FOXI2: variants seen among roughly 807,000 people sequenced by gnomAD.
FOXI2 encodes forkhead box protein I2.
Under a neutral mutation model 14.3 loss-of-function variants are expected in FOXI2, and 17 were observed. The ratio of observed to expected loss-of-function variants is 1.19; its 90% confidence interval spans 0.81 to 1.78. The LOEUF (loss-of-function observed/expected upper bound fraction) is 1.78. Among genes scored for constraint, FOXI2 ranks in the 40% most tolerant of loss-of-function variants. The pLI is 0.00. For missense variants in FOXI2, 541 were observed against 460.0 expected (o/e 1.18, Z -1.61); for synonymous variants, 240 against 218.8 (o/e 1.10, Z -0.85).
chr10:127,738,373 T>C lies in FOXI2; in HGVS notation c.512-147T>C, dbSNP rs1846444040. 1.9e-5 allele frequency: 12 copies of C among 624,944 alleles called. No individual in the cohort carries two copies. In the East Asian group the frequency reaches 3.2e-4, roughly 17 times the overall value. 38.7% of individuals were successfully genotyped at this position (624,944 alleles called of 1,614,324 possible). A position where few individuals can be genotyped will look rare whatever the true frequency, so the allele number is the denominator to read the frequency against. ...CTGTGGAGGCCCATCGGGTACAGAG[T>C]GCCCGTCAAGGGTGGAATGGGGGCG... On this transcript the variant is annotated intron_variant, in intron 1 of 1. Transcript: ENST00000388920.
Position 127,740,336 on chromosome 10 carries a change from A to G in FOXI2, c.*1371A>G, listed in dbSNP as rs1321518460. The G allele has an allele frequency of 6.6e-6, 1 of 152,162 alleles. No individual in the cohort carries two copies. The highest frequency in any genetic ancestry group is 1.5e-5 in the Non-Finnish European group (1 of 68,060). The allele number at this position is 152,162 out of a possible 1,614,324, so 9.4% of individuals were successfully genotyped here. On this transcript the variant is annotated 3_prime_UTR_variant, in exon 2 of 2. Transcript: ENST00000388920. ...TCCTGAACAGCAGCCTCCTGTGTAA[A>G]TTGAACCCTGCCCCACCCAGTTCCT...
In FOXI2 at chr10:127,739,977, TCACACCCACACTCACAC is replaced by T. The variant is rs1846491171; in HGVS notation, c.*1030_*1046del. ...CACACACCCACACTCATACTCACAC[TCACACCCACACTCACAC>T]CACACCCACACTCACACTGACACCC... On this transcript the variant is annotated 3_prime_UTR_variant, in exon 2 of 2. Coordinates refer to ENST00000388920, the MANE Select transcript of FOXI2 (RefSeq NM_207426.3). 3 of 10,070 alleles carry T rather than the reference TCACACCCACACTCACAC, an allele frequency of 3.0e-4. No individual in the cohort carries two copies. Among genetic ancestry groups the T allele is most frequent in the African/African-American group, 7.2e-4 (3 of 4,166 alleles). 0.6% of individuals were successfully genotyped at this position (10,070 alleles called of 1,614,324 possible). A position where few individuals can be genotyped will look rare whatever the true frequency, so the allele number is the denominator to read the frequency against.
chr10:127,737,719 C>G lies in FOXI2; in HGVS notation c.446C>G (p.Ser149Cys), dbSNP rs1846437169. The change falls in exon 1 of 2, where the codon TCC becomes TGC. Residue 149 changes from serine to cysteine, a missense_variant. Ser to Cys is a moderately radical substitution (Grantham distance 112). Coordinates refer to ENST00000388920, the MANE Select transcript of FOXI2 (RefSeq NM_207426.3). ...CGCAGCAAGGCGGGCTGGCAGAACT[C>G]CATCCGCCACAACCTGTCGCTCAAC... The part of the protein sequence containing the change: ...YKRSKAGWQN[S>C]IRHNLSLNDC... 1 of 1,609,360 alleles carries G rather than the reference C, an allele frequency of 6.2e-7. No homozygotes were observed.
rs1363118500 is a variant in FOXI2 at position 127,737,297 on chromosome 10, G to A, written c.24G>A (p.Leu8=). Residue 8 remains leucine (L), a synonymous_variant, in exon 1 of 2, where the codon CTG becomes CTA. Transcript: ENST00000388920. ...ACATGGCCACCTACTGCGACGACCT[G>A]GGCCCCTCCTCGGCCCCGCCCGGCC... is the stretch of plus-strand genomic sequence containing the variant. MATYCDD[L]GPSSAPPGQA... 8 of 1,468,450 alleles carry A rather than the reference G, an allele frequency of 5.4e-6. No homozygotes were observed. The highest frequency in any genetic ancestry group is 7.1e-6 in the Non-Finnish European group (8 of 1,120,922). 91.0% of individuals were successfully genotyped at this position (1,468,450 alleles called of 1,614,324 possible).
At position 127,737,462 on chromosome 10, in the gene FOXI2, C is replaced by T. The variant is rs557531167; in HGVS notation, c.189C>T (p.Tyr63=). The change falls in exon 1 of 2, where the codon TAC becomes TAT. Residue 63 remains tyrosine (Y), a synonymous_variant. Coordinates refer to ENST00000388920, the MANE Select transcript of FOXI2 (RefSeq NM_207426.3). ...YASGPGPAPP[Y]AAPSYGAPGP... ...CGGGTCCCGGGCCTGCGCCGCCCTACGCGGCCCCGAGCTACGGGGCTCCCG... is the reference window on the plus strand; with the variant it reads ...CGGGTCCCGGGCCTGCGCCGCCCTATGCGGCCCCGAGCTACGGGGCTCCCG... 4.3e-4 allele frequency: 595 copies of T among 1,371,718 alleles called. 1 individual carries two copies. Among genetic ancestry groups the T allele is most frequent in the Non-Finnish European group, 5.4e-4 (575 of 1,073,484 alleles). 85.0% of individuals were successfully genotyped at this position (1,371,718 alleles called of 1,614,324 possible). A position where few individuals can be genotyped will look rare whatever the true frequency, so the allele number is the denominator to read the frequency against.
Position 127,738,790 on chromosome 10 carries a change from C to A in FOXI2, c.782C>A (p.Thr261Asn), listed in dbSNP as rs1232980880. 1.9e-6 allele frequency: 3 copies of A among 1,606,020 alleles called. No homozygotes were observed. The highest frequency in any genetic ancestry group is 2.5e-6 in the Non-Finnish European group (3 of 1,177,078). The change falls in exon 2 of 2, where the codon ACC becomes AAC. Residue 261 changes from threonine (T) to asparagine (N), a missense_variant. Transcript: ENST00000388920. ...AMSALAGGLGTFPGGLAGDFS... is the reference protein window; with the variant it reads ...AMSALAGGLGNFPGGLAGDFS... ...AGCGCTCTGGCTGGCGGCCTTGGCA[C>A]CTTCCCCGGGGGCCTGGCGGGCGAC...
At chr10:127,738,437 T>C (rs1479045277) in intron 1 of FOXI2, 83 bp from the exon 2 acceptor site, 3 of 1,117,120 alleles carry the variant, frequency 2.7e-6, no homozygotes, top group Non-Finnish European at 3.9e-6. Context: ...AGGGGATCTT[T>C]CTGAAGCTGA....
intron 1 of FOXI2, 35 bp from the exon 2 acceptor site, chr10:127,738,485 G>A (rs776826999): frequency 1.9e-6 from 3 of 1,552,290 alleles, no homozygotes; most frequent in Non-Finnish European, 2.6e-6. Context: ...GTCAAAGCTC[G>A]AACCTTCTGA....
chr10:127,740,191 C>CA lies in FOXI2; in HGVS notation c.*1226_*1227insA, dbSNP rs1846506795. ...CATACTCACACACCCACACCCACAC[C>CA]CACACCCACACCCACACCCACACCC... On this transcript the variant is annotated 3_prime_UTR_variant, in exon 2 of 2. Transcript: ENST00000388920. 1 of 135,872 alleles carries CA rather than the reference C, an allele frequency of 7.4e-6. No individual in the cohort carries two copies. The allele number at this position is 135,872 out of a possible 1,614,324, so 8.4% of individuals were successfully genotyped here.
rs1479001212 is a variant in FOXI2 at position 127,739,001 on chromosome 10, G to T, written c.*36G>T. 2 of 1,560,822 alleles carry T rather than the reference G, an allele frequency of 1.3e-6. No individual in the cohort carries two copies. The highest frequency in any genetic ancestry group is 1.7e-6 in the Non-Finnish European group (2 of 1,154,424). ...GAGGCTAGCCGGGTGCGGGTCCAGA[G>T]GTGCTGAGCTCAGGCCTCCGGTTTC... On this transcript the variant is annotated 3_prime_UTR_variant, in exon 2 of 2. Coordinates refer to ENST00000388920, the MANE Select transcript of FOXI2 (RefSeq NM_207426.3).
chr10:127,739,845 T>TCACACC lies in FOXI2; in HGVS notation c.*885_*886insCCACAC, dbSNP rs1564749092. 12 of 34,280 alleles carry TCACACC rather than the reference T, an allele frequency of 3.5e-4. No homozygotes were observed. The highest frequency in any genetic ancestry group is 7.5e-4 in the African/African-American group (8 of 10,690). 2.1% of individuals were successfully genotyped at this position (34,280 alleles called of 1,614,324 possible). ...CCCACACCCACACCCACACTCACAC[T>TCACACC]CACACTCACACCCACACTCACACCC... On this transcript the variant is annotated 3_prime_UTR_variant, in exon 2 of 2. Coordinates refer to ENST00000388920, the MANE Select transcript of FOXI2 (RefSeq NM_207426.3).
rs1486983005 is a variant in FOXI2, at chr10:127,738,802, G to A, written c.794G>A (p.Gly265Asp). 6 of 1,605,960 alleles carry A rather than the reference G, an allele frequency of 3.7e-6. No individual in the cohort carries two copies. The highest frequency in any genetic ancestry group is 2.2e-5 in the East Asian group (1 of 44,672). The change falls in exon 2 of 2, where the codon GGC becomes GAC. Residue 265 changes from glycine (G) to aspartate (D), a missense_variant. Transcript: ENST00000388920. The part of the protein sequence containing the change: ...LAGGLGTFPG[G>D]LAGDFSFGRR... ...GGCGGCCTTGGCACCTTCCCCGGGG[G>A]CCTGGCGGGCGACTTTTCTTTCGGG...
In FOXI2 at chr10:127,737,504, C is replaced by CCCGGGCGG; in HGVS notation, c.234_241dup (p.Leu81ArgfsTer12). On this transcript the variant is annotated frameshift_variant, in exon 1 of 2. Coordinates refer to ENST00000388920, the MANE Select transcript of FOXI2 (RefSeq NM_207426.3). LOFTEE classifies it high-confidence loss of function. ...GGGCTCCCGGCCCGCTCCTCGGCGC[C>CCCGGGCGG]CCGGGCGGCCTGGCGGGCGCCGACC... The CCCGGGCGG allele has an allele frequency of 7.1e-7, 1 of 1,406,764 alleles. No individual in the cohort carries two copies. The allele number at this position is 1,406,764 out of a possible 1,614,324, so 87.1% of individuals were successfully genotyped here.
Position 127,737,426 on chromosome 10 carries a change from G to A in FOXI2, c.153G>A (p.Lys51=), listed in dbSNP as rs937838891. Residue 51 remains lysine, a synonymous_variant, in exon 1 of 2, where the codon AAG becomes AAA. Transcript: ENST00000388920. The part of the protein sequence containing the change: ...LWVNAPALSP[K]SYASGPGPAP... ...TGAACGCGCCAGCGCTCAGCCCCAA[G>A]TCCTACGCTTCGGGTCCCGGGCCTG... 2.0e-5 allele frequency: 27 copies of A among 1,369,724 alleles called. No individual in the cohort carries two copies. The highest frequency in any genetic ancestry group is 2.5e-5 in the Non-Finnish European group (27 of 1,073,270). The allele number at this position is 1,369,724 out of a possible 1,614,324, so 84.8% of individuals were successfully genotyped here.
chr10:127,741,013 C>A lies in FOXI2; in HGVS notation c.*2048C>A, dbSNP rs974253540. 6.6e-6 allele frequency: 1 copy of A among 152,178 alleles called. No homozygotes were observed. Among genetic ancestry groups the A allele is most frequent in the Non-Finnish European group, 1.5e-5 (1 of 68,042 alleles). 9.4% of individuals were successfully genotyped at this position (152,178 alleles called of 1,614,324 possible). A position where few individuals can be genotyped will look rare whatever the true frequency, so the allele number is the denominator to read the frequency against. On this transcript the variant is annotated 3_prime_UTR_variant, in exon 2 of 2. Coordinates refer to ENST00000388920, the MANE Select transcript of FOXI2 (RefSeq NM_207426.3). ...TGTTGAAGGTGATGATGTCGCCTAA[C>A]TAAACTCACAACCAACCCGCAATCT... is the stretch of plus-strand genomic sequence containing the variant.
In FOXI2 at chr10:127,738,921, C is replaced by T. The variant is rs1846455455; in HGVS notation, c.913C>T (p.Arg305Cys). 2.5e-6 allele frequency: 4 copies of T among 1,602,996 alleles called. No homozygotes were observed. In the South Asian group the frequency reaches 3.3e-5, roughly 13 times the overall value. The stretch of plus-strand genomic sequence containing the variant: ...CCACCAGACCGCGGCCGCCGGCTTC[C>T]GCCTCAGTCACCTCCTCTACAGCCG... ...PGHQTAAAGFRLSHLLYSREG... is the reference protein window; with the variant it reads ...PGHQTAAAGFCLSHLLYSREG... Residue 305 changes from arginine to cysteine, a missense_variant, in exon 2 of 2, where the codon CGC (arginine) becomes TGC (cysteine). Physicochemically the swap from Arg to Cys is radical, Grantham distance 180 (BLOSUM62 -3). Coordinates refer to ENST00000388920, the MANE Select transcript of FOXI2 (RefSeq NM_207426.3).
rs747243494 is a variant in FOXI2 at position 127,737,725 on chromosome 10, G to A, written c.452G>A (p.Arg151His). 6.2e-7 allele frequency: 1 copy of A among 1,612,558 alleles called. No homozygotes were observed. Among genetic ancestry groups the A allele is most frequent in the Non-Finnish European group, 8.5e-7 (1 of 1,179,330 alleles). Reference protein sequence around the residue: ...RSKAGWQNSIRHNLSLNDCFK... With the variant: ...RSKAGWQNSIHHNLSLNDCFK... ...AAGGCGGGCTGGCAGAACTCCATCC[G>A]CCACAACCTGTCGCTCAACGACTGC... The change falls in exon 1 of 2, where the codon CGC becomes CAC. Residue 151 changes from arginine (R) to histidine (H), a missense_variant. Transcript: ENST00000388920.
chr10:127,739,034 G>T lies in FOXI2; in HGVS notation c.*69G>T. ...GCTCAGGCCTCCGGTTTCCCCTGGT[G>T]ACAGCCCCACGTGTTGGCGTTGAAG... On this transcript the variant is annotated 3_prime_UTR_variant, in exon 2 of 2. Transcript: ENST00000388920. 7.2e-7 allele frequency: 1 copy of T among 1,380,282 alleles called. No homozygotes were observed. Among genetic ancestry groups the T allele is most frequent in the Non-Finnish European group, 9.8e-7 (1 of 1,015,976 alleles). The allele number at this position is 1,380,282 out of a possible 1,614,324, so 85.5% of individuals were successfully genotyped here.
chr10:127,739,067 T>C lies in FOXI2; in HGVS notation c.*102T>C. 1 of 1,062,070 alleles carries C rather than the reference T, an allele frequency of 9.4e-7. No homozygotes were observed. The highest frequency in any genetic ancestry group is 1.3e-6 in the Non-Finnish European group (1 of 748,970). The allele number at this position is 1,062,070 out of a possible 1,614,324, so 65.8% of individuals were successfully genotyped here. A position where few individuals can be genotyped will look rare whatever the true frequency, so the allele number is the denominator to read the frequency against. ...CACGTGTTGGCGTTGAAGGCCTTGG[T>C]GCCCTGGGAGGAAGCGCAGAGCCGG... On this transcript the variant is annotated 3_prime_UTR_variant, in exon 2 of 2. Transcript: ENST00000388920.
Sources: allele counts gnomAD v4.1 joint callset, GRCh38; gene constraint gnomAD v4.1.1; transcripts MANE v1.5; gene names NCBI Gene and HGNC (gene_info 2026-07-23, HGNC 2026-07-21).